IRAK3: variants seen among roughly 807,000 people sequenced by gnomAD.
The protein encoded by IRAK3 is interleukin 1 receptor associated kinase 3.
Under a neutral mutation model 56.6 loss-of-function variants are expected in IRAK3, and 57 were observed. The ratio of observed to expected loss-of-function variants is 1.01; its 90% CI spans 0.81 to 1.26. IRAK3 has a LOEUF of 1.26. Among genes scored for constraint, IRAK3 ranks in the 50% most tolerant of loss-of-function variants. The pLI, the probability that IRAK3 is intolerant of heterozygous loss-of-function variation, is 0.00. For missense variants in IRAK3, 703 were observed against 719.0 expected (o/e 0.98, Z 0.25); for synonymous variants, 258 against 255.7 (o/e 1.01, Z -0.09).
chr12:66,207,433 C>T (rs2052568053), intron 2 of IRAK3, among the ~76,000 whole-genome samples: 1 of 151,612 alleles, frequency 6.6e-6, no homozygotes, highest in Non-Finnish European at 1.5e-5. Context: ...GATTGCACCA[C>T]TGCACTCCAG....
intron 2 of IRAK3, among the ~76,000 whole-genome samples, chr12:66,208,861 C>T (rs549201023): frequency 8.9e-4 from 134 of 151,408 alleles, no homozygotes; most frequent in African/African-American, 3.0e-3. Flanking sequence ...GCCAGGAGTT[C>T]GAGACTAGCC....
At chr12:66,210,259 T>G in intron 4 of IRAK3, 58 bp downstream of exon 4, 1 of 996,924 alleles carries the variant, frequency 1.0e-6, no homozygotes, top group Non-Finnish European at 1.6e-6. Context: ...TTCATTTAAG[T>G]GAATTAAGAG....
intron 11 of IRAK3, among the ~76,000 whole-genome samples, chr12:66,245,837 G>A (rs970775171): frequency 2.6e-5 from 4 of 151,920 alleles, no homozygotes; most frequent in Non-Finnish European, 5.9e-5. Context: ...TATAAATGCA[G>A]CATATATTTT....
Position 66,248,456 on chromosome 12 carries a change from A to G in IRAK3, c.*285A>G. 3.3e-6 allele frequency: 1 copy of G among 298,572 alleles called. No homozygotes were observed. The highest frequency in any genetic ancestry group is 6.3e-6 in the Non-Finnish European group (1 of 158,218). The allele number at this position is 298,572 out of a possible 1,614,324, so 18.5% of individuals were successfully genotyped here. On this transcript the variant is annotated 3_prime_UTR_variant, in exon 12 of 12. Coordinates refer to ENST00000261233, the MANE Select transcript of IRAK3 (RefSeq NM_007199.3). ...GATCATGGGTTCTGACTTCAGCCAA[A>G]CAAAACAATCAAAACCTACCAAAAA...
Position 66,248,337 on chromosome 12 carries a change from A to G in IRAK3, c.*166A>G. 4 of 569,852 alleles carry G rather than the reference A, an allele frequency of 7.0e-6. No individual in the cohort carries two copies. The South Asian group carries it at 1.1e-4, about 15-fold the overall frequency. The allele number at this position is 569,852 out of a possible 1,614,324, so 35.3% of individuals were successfully genotyped here. On this transcript the variant is annotated 3_prime_UTR_variant, in exon 12 of 12. Coordinates refer to ENST00000261233, the MANE Select transcript of IRAK3 (RefSeq NM_007199.3). ...GATAATTCCATTTCTTTTTTCCCAA[A>G]CCCTCAAACAGAGTGCCTTAAAAAA...
intron 8 of IRAK3, among the ~76,000 whole-genome samples, chr12:66,228,598 G>T (rs999720874): frequency 1.3e-5 from 2 of 152,194 alleles, no homozygotes; most frequent in African/African-American, 4.8e-5. Context: ...ATTATCTTTG[G>T]TAATTATTAA....
At chr12:66,227,664 C>T (rs976980996) in intron 7 of IRAK3, among the ~76,000 whole-genome samples, 17 of 151,096 alleles carry the variant, frequency 1.1e-4, no homozygotes, top group Non-Finnish European at 2.1e-4. Flanking sequence ...GAGGCGGAGG[C>T]AGGAGAGTTG....
intron 5 of IRAK3, among the ~76,000 whole-genome samples, chr12:66,212,884 G>A (rs536850534): frequency 5.5e-4 from 84 of 152,142 alleles, no homozygotes; most frequent in African/African-American, 2.0e-3. Context: ...CCTGTTGGGG[G>A]GTTGGGGGAA....
chr12:66,248,453 C>A lies in IRAK3; in HGVS notation c.*282C>A. On this transcript the variant is annotated 3_prime_UTR_variant, in exon 12 of 12. Transcript: ENST00000261233. ...TAAGATCATGGGTTCTGACTTCAGC[C>A]AAACAAAACAATCAAAACCTACCAA... 2 of 298,466 alleles carry A rather than the reference C, an allele frequency of 6.7e-6. No homozygotes were observed. Among genetic ancestry groups the A allele is most frequent in the East Asian group, 6.3e-5 (1 of 15,792 alleles). The allele number at this position is 298,466 out of a possible 1,614,324, so 18.5% of individuals were successfully genotyped here.
chr12:66,194,786 A>C (rs1448860478), intron 1 of IRAK3, among the ~76,000 whole-genome samples: 3 of 149,788 alleles, frequency 2.0e-5, no homozygotes, highest in African/African-American at 4.9e-5. Flanking sequence ...CCGGGATCAC[A>C]CTACCGTACT....
intron 11 of IRAK3, 134 bp downstream of exon 11, chr12:66,245,396 A>G: frequency 1.1e-6 from 1 of 951,568 alleles, no homozygotes; most frequent in Non-Finnish European, 1.6e-6. Context: ...TTCCAACATA[A>G]TAGTGTTTCC....
chr12:66,210,482 G>A (rs923413149), intron 4 of IRAK3, among the ~76,000 whole-genome samples: 2 of 152,126 alleles, frequency 1.3e-5, no homozygotes, highest in African/African-American at 4.8e-5. Context: ...TGCTATGTTT[G>A]TGTGTCATGG....
Position 66,189,287 on chromosome 12 carries a change from G to C in IRAK3, c.-13G>C, listed in dbSNP as rs1376414344. The C allele has an allele frequency of 5.9e-6, 9 of 1,535,140 alleles. No homozygotes were observed. Among genetic ancestry groups the C allele is most frequent in the Middle Eastern group, 2.0e-4 (1 of 5,088 alleles). On this transcript the variant is annotated 5_prime_UTR_variant, in exon 1 of 12. Coordinates refer to ENST00000261233, the MANE Select transcript of IRAK3 (RefSeq NM_007199.3). ...GGACTCCGCCTCGTCCCCGGGGCTC[G>C]GGCAGCCGAGCCATGGCGGGGAACT...
chr12:66,194,625 C>T (rs59851958), intron 1 of IRAK3, among the ~76,000 whole-genome samples: 11 of 151,932 alleles, frequency 7.2e-5, no homozygotes, highest in Non-Finnish European at 1.3e-4. Flanking sequence ...GTCAGGAGTC[C>T]GAGACCAGCC....
intron 6 of IRAK3, among the ~76,000 whole-genome samples, chr12:66,226,442 A>C (rs1314781005): frequency 1.3e-5 from 2 of 152,194 alleles, no homozygotes; most frequent in East Asian, 3.9e-4. Flanking sequence ...GGGTTTCACC[A>C]TGTTGGCCAG....
chr12:66,215,798 A>G (rs865791631), intron 5 of IRAK3, among the ~76,000 whole-genome samples: 4,403 of 53,964 alleles, frequency 0.082, 273 homozygotes, highest in African/African-American at 0.2. Context: ...ACACACACAC[A>G]CACACACACA....
intron 4 of IRAK3, 82 bp downstream of exon 4, chr12:66,210,283 A>G: frequency 4.0e-6 from 3 of 755,976 alleles, no homozygotes; most frequent in South Asian, 3.0e-5. Context: ...GAAATACCCA[A>G]TAAACACAAT....
chr12:66,192,379 C>A (rs1384910949), intron 1 of IRAK3, among the ~76,000 whole-genome samples: 1 of 151,946 alleles, frequency 6.6e-6, no homozygotes, highest in African/African-American at 2.4e-5. Flanking sequence ...AAGCAAGAGC[C>A]CAAAAGCCCA....
Position 66,190,458 on chromosome 12 carries a change from G to T in IRAK3, c.133+1026G>T, listed in dbSNP as rs577047827. On this transcript the variant is annotated intron_variant, in intron 1 of 11. Transcript: ENST00000261233. ...CATTTGAGGGATTTTGAGGGATAAG[G>T]TCACTTCCCCATCAGATCTTTTTGA... Among the ~76,000 whole-genome samples the T allele has an allele frequency of 2.0e-5, 3 of 152,196 alleles. No individual in the cohort carries two copies. The South Asian group carries it at 6.2e-4, about 32-fold the overall frequency.
Sources: gnomAD v4.1 joint callset for allele counts (sites outside exome capture counted in the v4.1 genomes callset) on GRCh38, gnomAD v4.1.1 for gene constraint, MANE v1.5 for transcripts, NCBI Gene and HGNC (gene_info 2026-07-23, HGNC 2026-07-21) for gene names.